The following PCDHGA6 variants were observed in gnomAD, a reference collection of about 807,000 sequenced individuals.
The protein encoded by PCDHGA6 is protocadherin gamma subfamily A, 6.
PCDHGA6 carries 41 observed loss-of-function variants against 60.6 expected under a neutral mutation model. That is an observed-to-expected ratio of 0.68 (90% CI 0.53 to 0.88). The LOEUF is 0.88. Among genes scored for constraint, PCDHGA6 ranks in the 40% least tolerant of loss-of-function variants. PCDHGA6 has a pLI of 0.00. For synonymous variants in PCDHGA6, 594 were observed against 524.4 expected (o/e 1.13, Z -1.81); for missense variants, 1,312 against 1,203.0 (o/e 1.09, Z -1.34).
chr5:141,490,604 A>T lies in PCDHGA6; in HGVS notation c.2425-4203A>T, dbSNP rs749528675. ...GTCAATGACAATGCACCCCGCTTCA[A>T]CCAGCAGCTTTACACTGCTTACATC... On this transcript the variant is annotated intron_variant, in intron 1 of 3. Transcript: ENST00000517434. The surrounding 1 kb of genome is among the most constrained non-coding windows in gnomAD (Gnocchi z 5.4). 6.2e-7 allele frequency: 1 copy of T among 1,614,192 alleles called. No homozygotes were observed. The highest frequency in any genetic ancestry group is 8.5e-7 in the Non-Finnish European group (1 of 1,180,022).
At chr5:141,403,743 C>A (rs1165597254) in intron 1 of PCDHGA6, 1 of 1,613,856 alleles carries the variant, frequency 6.2e-7, no homozygotes, top group Non-Finnish European at 8.5e-7. Context: ...CTGCTTACTG[C>A]AACAGCCAGC....
chr5:141,460,951 GTA>G (rs200454978), intron 1 of PCDHGA6, among the ~76,000 whole-genome samples: 208 of 139,744 alleles, frequency 1.5e-3, no homozygotes, highest in South Asian at 4.3e-3. Flanking sequence ...TATGTATTAT[GTA>G]TATATATATG....
Position 141,511,378 on chromosome 5 carries a change from T to C in PCDHGA6, c.*205T>C. 1 of 1,202,114 alleles carries C rather than the reference T, an allele frequency of 8.3e-7. No homozygotes were observed. The highest frequency in any genetic ancestry group is 1.1e-6 in the Non-Finnish European group (1 of 882,194). The allele number at this position is 1,202,114 out of a possible 1,614,324, so 74.5% of individuals were successfully genotyped here. A position where few individuals can be genotyped will look rare whatever the true frequency, so the allele number is the denominator to read the frequency against. On this transcript the variant is annotated 3_prime_UTR_variant, in exon 4 of 4. Coordinates refer to ENST00000517434, the MANE Select transcript of PCDHGA6 (RefSeq NM_018919.3). ...AGGGGGTTGAATATGCAAAAGCAGT[T>C]CCGCTGGGAACCCCCATCCAATCAA...
intron 1 of PCDHGA6, chr5:141,405,547 G>A (rs2094685057): frequency 1.6e-6 from 1 of 629,986 alleles, no homozygotes; most frequent in Non-Finnish European, 2.7e-6. Context: ...AGCCTCCCAA[G>A]TAGAGTAGCT....
intron 1 of PCDHGA6, chr5:141,423,505 C>G: frequency 6.2e-7 from 1 of 1,613,932 alleles, no homozygotes; most frequent in Non-Finnish European, 8.5e-7. Context: ...CGAGGTCTCT[C>G]TCATTGCGGA....
chr5:141,403,895 T>C, intron 1 of PCDHGA6: 1 of 1,613,884 alleles, frequency 6.2e-7, no homozygotes, highest in Non-Finnish European at 8.5e-7. Context: ...ATGTTCATTT[T>C]ATGAAATGGA....
chr5:141,421,829 T>C, intron 1 of PCDHGA6: 1 of 1,613,784 alleles, frequency 6.2e-7, no homozygotes, highest in Non-Finnish European at 8.5e-7. Flanking sequence ...GAGGGAAGCC[T>C]GGACCGAGAG....
rs149553852 is a variant in PCDHGA6 at position 141,415,009 on chromosome 5, C to G, written c.2424+38502C>G. 3.1e-6 allele frequency: 5 copies of G among 1,613,544 alleles called. No homozygotes were observed. The East Asian group carries it at 1.1e-4, about 36-fold the overall frequency. On this transcript the variant is annotated intron_variant, in intron 1 of 3. Transcript: ENST00000517434. The stretch of plus-strand genomic sequence containing the variant: ...CCAGAACGCCTGGCTGTCCTACCGT[C>G]TGCTCAAGGCCAGCGAGCCGGGACT...
chr5:141,395,126 C>T, intron 1 of PCDHGA6: 3 of 1,614,196 alleles, frequency 1.9e-6, no homozygotes, highest in Non-Finnish European at 2.5e-6. Flanking sequence ...TGATCTTTCC[C>T]CAGCCCAACT....
chr5:141,410,435 G>A (rs772158163), intron 1 of PCDHGA6: 1 of 1,614,054 alleles, frequency 6.2e-7, no homozygotes, highest in Non-Finnish European at 8.5e-7. Context: ...CAACTACAGT[G>A]AGGGGACTTT....
intron 1 of PCDHGA6, among the ~76,000 whole-genome samples, chr5:141,439,459 A>ACTG (rs1234039449): frequency 6.6e-6 from 1 of 152,222 alleles, no homozygotes; most frequent in Non-Finnish European, 1.5e-5. Flanking sequence ...GCAAGACTGC[A>ACTG]CTGCTGCCTT....
intron 1 of PCDHGA6, among the ~76,000 whole-genome samples, chr5:141,444,472 C>T (rs559334960): frequency 2.1e-4 from 32 of 151,968 alleles, no homozygotes; most frequent in Admixed American, 1.5e-3. Flanking sequence ...CGCCCGGTCG[C>T]GTACTGGATT....
chr5:141,400,147 C>T lies in PCDHGA6; in HGVS notation c.2424+23640C>T, dbSNP rs751998425. ...GGAGGTGCTGCCGGATATCACTGAC[C>T]GCCCTGTACCCTCTGACCCCCAGGC... On this transcript the variant is annotated intron_variant, in intron 1 of 3. Coordinates refer to ENST00000517434, the MANE Select transcript of PCDHGA6 (RefSeq NM_018919.3). 3.7e-6 allele frequency: 6 copies of T among 1,614,074 alleles called. No homozygotes were observed. In the East Asian group the frequency reaches 1.1e-4, roughly 30 times the overall value.
At chr5:141,411,161 A>G (rs2095470005) in intron 1 of PCDHGA6, 1 of 152,284 alleles carries the variant, frequency 6.6e-6, no homozygotes, top group Non-Finnish European at 1.5e-5. Context: ...AGTTCTGACT[A>G]TCGAACAGAA....
chr5:141,384,284 C>T (rs1588966005), intron 1 of PCDHGA6: 1 of 1,613,854 alleles, frequency 6.2e-7, no homozygotes. Context: ...GTCTACATCG[C>T]TGAGAACAAC....
chr5:141,505,679 G>A (rs1350871637), intron 3 of PCDHGA6, among the ~76,000 whole-genome samples, 198 bp downstream of exon 3: 24 of 152,172 alleles, frequency 1.6e-4, no homozygotes, highest in Non-Finnish European at 3.5e-4. Flanking sequence ...TGGGGGTCCT[G>A]GGATGCCTGG....
At chr5:141,407,625 T>C (rs1354209573) in intron 1 of PCDHGA6, among the ~76,000 whole-genome samples, 2 of 152,220 alleles carry the variant, frequency 1.3e-5, no homozygotes, top group African/African-American at 4.8e-5. Context: ...ACATTCTATA[T>C]CTCGTATTAC....
At position 141,432,289 on chromosome 5, in the gene PCDHGA6, C is replaced by A. The variant is rs762278053; in HGVS notation, c.2424+55782C>A. 2 of 1,614,148 alleles carry A rather than the reference C, an allele frequency of 1.2e-6. No individual in the cohort carries two copies. Among genetic ancestry groups the A allele is most frequent in the African/African-American group, 2.7e-5 (2 of 74,952 alleles). On this transcript the variant is annotated intron_variant, in intron 1 of 3. Coordinates refer to ENST00000517434, the MANE Select transcript of PCDHGA6 (RefSeq NM_018919.3). The surrounding 1 kb of genome is among the most constrained non-coding windows in gnomAD (Gnocchi z 6.0). ...CGTCCTACGTGTCCATCAACTCCGA[C>A]ACTGGGGTACTGTATGCGCTGAGCT...
Position 141,431,858 on chromosome 5 carries a change from G to A in PCDHGA6, c.2424+55351G>A, listed in dbSNP as rs1421209596. The A allele has an allele frequency of 1.1e-5, 17 of 1,614,198 alleles. No individual in the cohort carries two copies. Among genetic ancestry groups the A allele is most frequent in the Non-Finnish European group, 1.4e-5 (17 of 1,180,020 alleles). On this transcript the variant is annotated intron_variant, in intron 1 of 3. Coordinates refer to ENST00000517434, the MANE Select transcript of PCDHGA6 (RefSeq NM_018919.3). The surrounding 1 kb of genome is among the most constrained non-coding windows in gnomAD (Gnocchi z 4.8). ...AAACTCTCCCAGAGGGACATTAATTGCCCTTTTAAATGTAAATGACCAAGA... is the reference window on the plus strand; with the variant it reads ...AAACTCTCCCAGAGGGACATTAATTACCCTTTTAAATGTAAATGACCAAGA...
Sources: allele counts gnomAD v4.1 joint callset (sites outside exome capture counted in the v4.1 genomes callset), GRCh38; gene constraint gnomAD v4.1.1; non-coding constraint Gnocchi (gnomAD v3.1); transcripts MANE v1.5; gene names NCBI Gene and HGNC (gene_info 2026-07-23, HGNC 2026-07-21).